Variants in TSHZ2 observed in about 807,000 individuals in gnomAD.
TSHZ2 encodes teashirt zinc finger homeobox 2, also known as teashirt homolog 2.
TSHZ2 carries 21 observed loss-of-function variants against 74.4 expected under a neutral mutation model. The ratio of observed to expected loss-of-function variants is 0.28; its 90% CI spans 0.20 to 0.41. The LOEUF is 0.41. Ranked by LOEUF, TSHZ2 falls within the 10% of genes least tolerant of loss-of-function variation. The pLI is 1.00. For synonymous variants in TSHZ2, 540 were observed against 515.3 expected, an observed-to-expected ratio of 1.05 and a Z score of -0.65; for missense variants, 1,244 against 1,293.5, an observed-to-expected ratio of 0.96 and a Z score of 0.59.
intron 2 of TSHZ2, among the ~76,000 whole-genome samples, chr20:53,263,322 G>T (rs6022360): frequency 0.18 from 28,094 of 152,062 alleles, 2,738 homozygotes; most frequent in African/African-American, 0.23. Context: ...CTGGCATTCA[G>T]CATCAAGACT....
At chr20:53,236,168 T>G (rs1441056318) in intron 1 of TSHZ2, among the ~76,000 whole-genome samples, 1 of 152,228 alleles carries the variant, frequency 6.6e-6, no homozygotes, top group Non-Finnish European at 1.5e-5. Flanking sequence ...TTGACCTGCC[T>G]GTAACTTCAC....
chr20:53,010,874 G>C (rs117715335), intron 1 of TSHZ2, among the ~76,000 whole-genome samples: 1 of 152,066 alleles, frequency 6.6e-6, no homozygotes. Context: ...GCTGAAACTA[G>C]AATTATTTTT....
At chr20:53,339,087 A>C (rs936201650) in intron 2 of TSHZ2, among the ~76,000 whole-genome samples, 11 of 152,226 alleles carry the variant, frequency 7.2e-5, no homozygotes, top group African/African-American at 2.7e-4. Context: ...CAAACTAGCC[A>C]TGTCACACCT....
At chr20:53,206,298 G>A (rs1440795264) in intron 1 of TSHZ2, among the ~76,000 whole-genome samples, 1 of 152,182 alleles carries the variant, frequency 6.6e-6, no homozygotes, top group East Asian at 1.9e-4. Context: ...GATTAAAAGA[G>A]GTTAGGGTCT....
intron 1 of TSHZ2, among the ~76,000 whole-genome samples, chr20:52,983,532 T>G (rs1385371188): frequency 1.3e-5 from 2 of 152,242 alleles, no homozygotes; most frequent in African/African-American, 4.8e-5. Flanking sequence ...CTTTGTATAC[T>G]AATTAATTAC....
chr20:52,989,085 G>T (rs1165193394), intron 1 of TSHZ2, among the ~76,000 whole-genome samples: 1 of 151,184 alleles, frequency 6.6e-6, no homozygotes, highest in Non-Finnish European at 1.5e-5. Flanking sequence ...GGATAAGAAA[G>T]GTGATCATGA....
intron 1 of TSHZ2, among the ~76,000 whole-genome samples, chr20:53,187,108 A>G (rs534321618): frequency 6.6e-6 from 1 of 152,162 alleles, no homozygotes; most frequent in Admixed American, 6.5e-5. Context: ...CCAATATAGC[A>G]TAGATACAGG....
At chr20:53,067,672 C>G (rs1380764516) in intron 1 of TSHZ2, among the ~76,000 whole-genome samples, 1 of 152,208 alleles carries the variant, frequency 6.6e-6, no homozygotes, top group Non-Finnish European at 1.5e-5. Flanking sequence ...GGTGTTCATT[C>G]TGCAGACAAA....
chr20:53,185,323 G>T, intron 1 of TSHZ2: 1 of 1,101,194 alleles, frequency 9.1e-7, no homozygotes, highest in Non-Finnish European at 1.1e-6. Flanking sequence ...AGGCTCTATT[G>T]CAATACATCT....
chr20:53,130,227 AT>A (rs1278194165), intron 1 of TSHZ2, among the ~76,000 whole-genome samples: 101 of 81,068 alleles, frequency 1.2e-3, no homozygotes, highest in Admixed American at 2.9e-3. Flanking sequence ...CACAGCTAAA[AT>A]TTAAAAAAAA....
chr20:52,995,787 A>G (rs1600636300), intron 1 of TSHZ2, among the ~76,000 whole-genome samples: 1 of 142,586 alleles, frequency 7.0e-6, no homozygotes, highest in African/African-American at 2.6e-5. Flanking sequence ...TAATTTTTGT[A>G]TTTTTTTTTT....
At chr20:53,308,859 C>T (rs1038050220) in intron 2 of TSHZ2, among the ~76,000 whole-genome samples, 6 of 152,274 alleles carry the variant, frequency 3.9e-5, no homozygotes, top group East Asian at 1.9e-4. Context: ...AAAATCAGCA[C>T]GGTGTTAAGC....
chr20:53,112,998 A>G (rs1449315439), intron 1 of TSHZ2, among the ~76,000 whole-genome samples: 2 of 152,244 alleles, frequency 1.3e-5, no homozygotes, highest in Admixed American at 6.5e-5. Context: ...TTAACTTGGC[A>G]GGACCCATAA....
intron 1 of TSHZ2, among the ~76,000 whole-genome samples, chr20:53,105,553 T>G (rs1986336757): frequency 6.6e-6 from 1 of 152,224 alleles, no homozygotes; most frequent in Non-Finnish European, 1.5e-5. Flanking sequence ...AAGGCCTTGA[T>G]CTCATCTCCT....
intron 2 of TSHZ2, among the ~76,000 whole-genome samples, chr20:53,314,298 AAAAG>A (rs913418220): frequency 5.9e-5 from 9 of 151,974 alleles, no homozygotes; most frequent in Admixed American, 1.3e-4. Flanking sequence ...AAAAAAAAAA[AAAAG>A]AAAGAAAGAA....
chr20:53,176,974 C>T (rs531286932), intron 1 of TSHZ2, among the ~76,000 whole-genome samples: 116 of 152,112 alleles, frequency 7.6e-4, no homozygotes, highest in African/African-American at 2.6e-3. Flanking sequence ...CACGAGCCAT[C>T]GCACCCAGCC....
intron 2 of TSHZ2, among the ~76,000 whole-genome samples, chr20:53,294,795 C>A (rs1991344120): frequency 6.6e-6 from 1 of 152,176 alleles, no homozygotes; most frequent in Non-Finnish European, 1.5e-5. Context: ...TGTGAGGAAT[C>A]TTTCACAATC....
At chr20:53,282,871 T>A (rs1469225122) in intron 2 of TSHZ2, among the ~76,000 whole-genome samples, 1 of 152,202 alleles carries the variant, frequency 6.6e-6, no homozygotes, top group African/African-American at 2.4e-5. Flanking sequence ...CTTCACACAT[T>A]CTCACTGTGC....
intron 2 of TSHZ2, among the ~76,000 whole-genome samples, chr20:53,414,730 A>G (rs1051253997): frequency 2.6e-5 from 4 of 152,240 alleles, no homozygotes; most frequent in Non-Finnish European, 4.4e-5. Flanking sequence ...TAATAGCACT[A>G]GACTTAAACC....
Sources: allele counts gnomAD v4.1 joint callset (sites outside exome capture counted in the v4.1 genomes callset), GRCh38; gene constraint gnomAD v4.1.1; transcripts MANE v1.5; gene names NCBI Gene and HGNC (gene_info 2026-07-23, HGNC 2026-07-21).